MEMO1: variants seen among roughly 807,000 people sequenced by gnomAD.
The protein encoded by MEMO1 is mediator of cell motility 1.
Under a neutral mutation model 45.2 loss-of-function variants are expected in MEMO1, and 6 were observed. That is an observed-to-expected ratio of 0.13 (90% CI 0.07 to 0.26). MEMO1 has a LOEUF of 0.26. MEMO1 is among the 10% of genes least tolerant of loss of function. MEMO1 has a pLI of 1.00. For missense variants in MEMO1, 184 were observed against 370.5 expected (o/e 0.50, Z 4.13); for synonymous variants, 78 against 124.3 (o/e 0.63, Z 2.48).
At chr2:31,965,851 T>C (rs894161334) in intron 2 of MEMO1, among the ~76,000 whole-genome samples, 6 of 151,860 alleles carry the variant, frequency 4.0e-5, no homozygotes, top group Non-Finnish European at 5.9e-5. Flanking sequence ...TTAGGAAAAA[T>C]AGCTAATGCA....
At chr2:31,877,822 T>C (rs898978994) in intron 8 of MEMO1, among the ~76,000 whole-genome samples, 2 of 152,184 alleles carry the variant, frequency 1.3e-5, no homozygotes, top group African/African-American at 2.4e-5. Context: ...TAAATTCCTT[T>C]TATTTCCTTT....
chr2:31,941,628 T>C (rs973457177), intron 3 of MEMO1, among the ~76,000 whole-genome samples: 1 of 152,232 alleles, frequency 6.6e-6, no homozygotes, highest in African/African-American at 2.4e-5. Flanking sequence ...TAAATAGTAG[T>C]AAGTCATTTG....
intron 2 of MEMO1, among the ~76,000 whole-genome samples, chr2:32,006,701 T>G (rs1674121630): frequency 6.6e-6 from 1 of 151,982 alleles, no homozygotes; most frequent in Admixed American, 6.6e-5. Context: ...GTGTGGTGGC[T>G]CACGCCTGTA....
intron 7 of MEMO1, among the ~76,000 whole-genome samples, chr2:31,884,010 T>C (rs2147946488): frequency 6.6e-6 from 1 of 151,680 alleles, no homozygotes; most frequent in Non-Finnish European, 1.5e-5. Flanking sequence ...AAAGGATCAA[T>C]ACAAGTGCCT....
intron 2 of MEMO1, among the ~76,000 whole-genome samples, chr2:31,948,811 T>A (rs1318795694): frequency 6.6e-6 from 1 of 152,160 alleles, no homozygotes; most frequent in Non-Finnish European, 1.5e-5. Context: ...AGGCAGGATT[T>A]TGAGATAATC....
chr2:31,926,628 C>T (rs1356071164), intron 4 of MEMO1, among the ~76,000 whole-genome samples: 2 of 152,042 alleles, frequency 1.3e-5, no homozygotes, highest in African/African-American at 2.4e-5. Flanking sequence ...GTGGGTGGAT[C>T]ACCTGAAGTC....
chr2:31,904,628 G>A (rs113716461), intron 6 of MEMO1, among the ~76,000 whole-genome samples: 2,466 of 152,252 alleles, frequency 0.016, 80 homozygotes, highest in African/African-American at 0.056. Flanking sequence ...CACAGGAGGC[G>A]GAACTCAGGT....
intron 2 of MEMO1, among the ~76,000 whole-genome samples, chr2:31,983,670 G>C (rs1017028597): frequency 6.6e-6 from 1 of 152,184 alleles, no homozygotes; most frequent in Non-Finnish European, 1.5e-5. Flanking sequence ...CTGACCGCAG[G>C]TGATCCGCCT....
chr2:31,971,519 C>T (rs1292750019), intron 2 of MEMO1, among the ~76,000 whole-genome samples: 2 of 152,112 alleles, frequency 1.3e-5, no homozygotes, highest in African/African-American at 2.4e-5. Context: ...CATGAGTCCC[C>T]GTGCCCAGCC....
chr2:31,915,475 C>A (rs1681298827), intron 6 of MEMO1, among the ~76,000 whole-genome samples: 1 of 151,986 alleles, frequency 6.6e-6, no homozygotes, highest in Non-Finnish European at 1.5e-5. Context: ...ACACAATTCA[C>A]TGGAAATGTG....
In MEMO1 at chr2:31,996,801, G is replaced by A. The variant is rs114106821; in HGVS notation, c.61+13386C>T. Among the ~76,000 whole-genome samples, 351 of 152,288 alleles carry A rather than the reference G, an allele frequency of 2.3e-3. 1 individual carries two copies. Among genetic ancestry groups the A allele is most frequent in the African/African-American group, 8.0e-3 (334 of 41,554 alleles). The stretch of plus-strand genomic sequence containing the variant: ...GCTGGAGTGTGGTCGTGTAATCATA[G>A]CTCAATGCAGCCTCGAACTCCTGGG... On this transcript the variant is annotated intron_variant, in intron 2 of 9. Transcript: ENST00000404530.
At chr2:31,971,721 G>A (rs1669430708) in intron 2 of MEMO1, among the ~76,000 whole-genome samples, 1 of 152,114 alleles carries the variant, frequency 6.6e-6, no homozygotes, top group South Asian at 2.1e-4. Context: ...AGTAATCCCA[G>A]CATTTTGGGA....
chr2:31,995,825 G>A (rs1328505655), intron 2 of MEMO1, among the ~76,000 whole-genome samples: 1 of 151,974 alleles, frequency 6.6e-6, no homozygotes, highest in Non-Finnish European at 1.5e-5. Flanking sequence ...CTATTCAAAG[G>A]TACATGATAA....
chr2:31,991,686 C>CAT (rs10649121), intron 2 of MEMO1, among the ~76,000 whole-genome samples: 150,827 of 152,230 alleles, frequency 0.99, 74,730 homozygotes, highest in Middle Eastern at 1. Flanking sequence ...ATAATTCAAA[C>CAT]ATTTCCAATT....
At chr2:31,906,514 G>T (rs575341995) in intron 6 of MEMO1, among the ~76,000 whole-genome samples, 80 of 151,710 alleles carry the variant, frequency 5.3e-4, no homozygotes, top group African/African-American at 1.9e-3. Context: ...TAGTACAGAT[G>T]GGGTTTCACC....
chr2:31,895,245 T>G (rs553732869), intron 6 of MEMO1, among the ~76,000 whole-genome samples: 4 of 152,256 alleles, frequency 2.6e-5, no homozygotes, highest in African/African-American at 9.6e-5. Flanking sequence ...AACAGCAAAC[T>G]ATGACCCATA....
intron 2 of MEMO1, among the ~76,000 whole-genome samples, chr2:31,972,004 T>TA (rs1202968171): frequency 6.6e-6 from 1 of 152,008 alleles, no homozygotes; most frequent in Non-Finnish European, 1.5e-5. Context: ...GAAATATAAC[T>TA]AAAACCAAGC....
chr2:31,875,778 CCA>C (rs753703449), intron 8 of MEMO1, among the ~76,000 whole-genome samples: 113 of 152,152 alleles, frequency 7.4e-4, no homozygotes, highest in East Asian at 7.7e-4. Flanking sequence ...CCTCCACCTA[CCA>C]GGTTTAAGCG....
At chr2:31,901,537 T>C (rs1160417824) in intron 6 of MEMO1, among the ~76,000 whole-genome samples, 1 of 151,844 alleles carries the variant, frequency 6.6e-6, no homozygotes, top group Non-Finnish European at 1.5e-5. Context: ...AGAAAGCAAA[T>C]CAGTGGTTGT....
Sources: allele counts gnomAD v4.1 joint callset (sites outside exome capture counted in the v4.1 genomes callset), GRCh38; gene constraint gnomAD v4.1.1; transcripts MANE v1.5; gene names NCBI Gene and HGNC (gene_info 2026-07-23, HGNC 2026-07-21).